The following RIMKLA variants were observed in gnomAD, a reference collection of about 807,000 sequenced individuals.
RIMKLA encodes the protein ribosomal modification protein rimK like family member A.
In RIMKLA, 14 loss-of-function variants were observed where a neutral mutation model predicts 32.7. That is an observed-to-expected ratio of 0.43 (90% confidence interval 0.28 to 0.67). The LOEUF (loss-of-function observed/expected upper bound fraction) is 0.67, where lower values mean the gene tolerates loss of function less well. RIMKLA is among the 30% of genes least tolerant of loss of function. The pLI, the probability that RIMKLA is intolerant of heterozygous loss-of-function variation, is 0.18. For synonymous variants in RIMKLA, 176 were observed against 204.1 expected, an observed-to-expected ratio of 0.86 and a Z score of 1.18; for missense variants, 410 against 519.0, an observed-to-expected ratio of 0.79 and a Z score of 2.04.
intron 4 of RIMKLA, among the ~76,000 whole-genome samples, chr1:42,411,871 C>A (rs563357465): frequency 1.3e-5 from 2 of 151,934 alleles, no homozygotes; most frequent in Non-Finnish European, 2.9e-5. Context: ...AGGGTTTCAC[C>A]GTGTTAGCCG....
chr1:42,406,407 A>T (rs1643147787), intron 3 of RIMKLA, among the ~76,000 whole-genome samples: 2 of 152,088 alleles, frequency 1.3e-5, no homozygotes, highest in South Asian at 4.1e-4. Context: ...GCAACCACTG[A>T]CCTATTATTA....
chr1:42,390,317 C>A (rs1642989770), intron 1 of RIMKLA, among the ~76,000 whole-genome samples: 1 of 152,220 alleles, frequency 6.6e-6, no homozygotes, highest in East Asian at 1.9e-4. Flanking sequence ...GGATTACAGG[C>A]GTGAGCCACC....
chr1:42,395,613 C>A (rs994534419), intron 1 of RIMKLA, among the ~76,000 whole-genome samples: 13 of 152,310 alleles, frequency 8.5e-5, no homozygotes, highest in Admixed American at 3.3e-4. Context: ...TGATATCCTG[C>A]ATCAGCTCTT....
At position 42,380,794 on chromosome 1, in the gene RIMKLA, A is replaced by C; in HGVS notation, c.-141A>C. ...GGCGGATTCGCTGGGTCAGGGCTGC[A>C]GAGACGCCTGGCGCACCCGCGGGAG... is the stretch of plus-strand genomic sequence containing the variant. On this transcript the variant is annotated 5_prime_UTR_variant, in exon 1 of 5. Transcript: ENST00000431473. The C allele has an allele frequency of 3.4e-6, 1 of 296,602 alleles. No individual in the cohort carries two copies. Among genetic ancestry groups the C allele is most frequent in the Non-Finnish European group, 5.2e-6 (1 of 191,336 alleles). 18.4% of individuals were successfully genotyped at this position (296,602 alleles called of 1,614,324 possible).
intron 1 of RIMKLA, among the ~76,000 whole-genome samples, chr1:42,395,475 A>C (rs1049861908): frequency 6.6e-6 from 1 of 152,012 alleles, no homozygotes; most frequent in African/African-American, 2.4e-5. Flanking sequence ...CCTCTCCCCA[A>C]GTTAGGGTGA....
At chr1:42,393,637 T>C (rs1023839250) in intron 1 of RIMKLA, among the ~76,000 whole-genome samples, 3 of 151,952 alleles carry the variant, frequency 2.0e-5, no homozygotes. Context: ...TAAAAATAAC[T>C]GTTTTACGAG....
intron 4 of RIMKLA, among the ~76,000 whole-genome samples, chr1:42,413,133 C>CAAATAAATAAAT (rs368162189): frequency 2.0e-5 from 3 of 150,510 alleles, no homozygotes; most frequent in Admixed American, 1.3e-4. Flanking sequence ...GACTCTGTCT[C>CAAATAAATAAAT]AAATAAATAA....
At chr1:42,409,154 A>G (rs1643174840) in intron 3 of RIMKLA, among the ~76,000 whole-genome samples, 1 of 132,128 alleles carries the variant, frequency 7.6e-6, no homozygotes, top group Non-Finnish European at 1.6e-5. Context: ...GTGAGCCAAG[A>G]TCGCGCCACT....
At chr1:42,389,040 G>C (rs922753425) in intron 1 of RIMKLA, among the ~76,000 whole-genome samples, 8 of 152,220 alleles carry the variant, frequency 5.3e-5, no homozygotes, top group African/African-American at 1.9e-4. Context: ...TGAAGACAAA[G>C]TGGTCAGGAT....
rs755204576 is a variant in RIMKLA, at chr1:42,414,505, C to T, written c.707C>T (p.Pro236Leu). The T allele has an allele frequency of 1.2e-5, 20 of 1,613,938 alleles. No homozygotes were observed. Among genetic ancestry groups the T allele is most frequent in the Admixed American group, 1.7e-5 (1 of 59,998 alleles). The change falls in exon 5 of 5, where the codon CCG becomes CTG. Residue 236 changes from proline to leucine, a missense_variant. Physicochemically the swap from Pro to Leu is moderately conservative, Grantham distance 98. Coordinates refer to ENST00000431473, the MANE Select transcript of RIMKLA (RefSeq NM_173642.4). ...ACAGGTGGCGTGGGCGTCAAGTGTC[C>T]GCTGACAGAACAAGGCAAGCAGTTG... The part of the protein sequence containing the change: ...CSLGGVGVKC[P>L]LTEQGKQLAI...
chr1:42,414,456 C>T (rs1339065438), intron 4 of RIMKLA, 28 bp from the exon 5 acceptor site: 22 of 1,608,916 alleles, frequency 1.4e-5, no homozygotes, highest in Middle Eastern at 1.7e-4. Flanking sequence ...TCAGTTGTCA[C>T]CTTTACATCA....
At chr1:42,402,901 AT>A (rs111342265) in intron 2 of RIMKLA, among the ~76,000 whole-genome samples, 11 of 148,766 alleles carry the variant, frequency 7.4e-5, no homozygotes, top group East Asian at 3.9e-4. Flanking sequence ...CTTGGCTAAC[AT>A]TTTTTTTTTA....
chr1:42,418,468 G>C lies in RIMKLA; in HGVS notation c.*3494G>C, dbSNP rs1437487127. Reference sequence around the variant, plus strand: ...CATGGGGACCAGGAGAGGAGGAAAGGGAAAAGGGAAAGGTCTGGAATAGTT... The same window carrying C: ...CATGGGGACCAGGAGAGGAGGAAAGCGAAAAGGGAAAGGTCTGGAATAGTT... On this transcript the variant is annotated 3_prime_UTR_variant, in exon 5 of 5. Transcript: ENST00000431473. The C allele has an allele frequency of 2.0e-5, 3 of 152,164 alleles. No homozygotes were observed. Among genetic ancestry groups the C allele is most frequent in the Non-Finnish European group, 4.4e-5 (3 of 68,040 alleles). 9.4% of individuals were successfully genotyped at this position (152,164 alleles called of 1,614,324 possible).
rs114002117 is a variant in RIMKLA at position 42,386,287 on chromosome 1, C to T, written c.163+5190C>T. 1.9e-3 allele frequency among the ~76,000 whole-genome samples: 289 copies of T among 151,850 alleles called. 1 individual carries two copies. The highest frequency in any genetic ancestry group is 6.6e-3 in the African/African-American group (273 of 41,372). ...GAACACTTCCACCAAATTTGTTGGG[C>T]CTGCTTGGTGGAAGGGAGTACAGCC... On this transcript the variant is annotated intron_variant, in intron 1 of 4. Coordinates refer to ENST00000431473, the MANE Select transcript of RIMKLA (RefSeq NM_173642.4).
chr1:42,421,532 C>T lies in RIMKLA; in HGVS notation c.*6558C>T, dbSNP rs932026427. ...CTGGGCCTATCCGGAGTGGGACTCCCGTAATCTCCTATTTAGAAGGAACAC... is the reference window on the plus strand; with the variant it reads ...CTGGGCCTATCCGGAGTGGGACTCCTGTAATCTCCTATTTAGAAGGAACAC... On this transcript the variant is annotated 3_prime_UTR_variant, in exon 5 of 5. Transcript: ENST00000431473. This position sits in a 1 kb window ranked among gnomAD's most constrained non-coding sequence, Gnocchi z 4.6. 3.9e-5 allele frequency: 6 copies of T among 152,190 alleles called. No individual in the cohort carries two copies. The highest frequency in any genetic ancestry group is 9.7e-5 in the African/African-American group (4 of 41,396). 9.4% of individuals were successfully genotyped at this position (152,190 alleles called of 1,614,324 possible).
Position 42,410,196 on chromosome 1 carries a change from T to C in RIMKLA, c.685+9T>C. The stretch of plus-strand genomic sequence containing the variant: ...GAGCAACTGCTCTCTCGGTAAGGTA[T>C]AAAAGCACAGGGTTTTATTAGGGTA... On this transcript the variant is annotated intron_variant, in intron 4 of 4. Coordinates refer to ENST00000431473, the MANE Select transcript of RIMKLA (RefSeq NM_173642.4). 1 of 1,613,002 alleles carries C rather than the reference T, an allele frequency of 6.2e-7. No homozygotes were observed. Among genetic ancestry groups the C allele is most frequent in the Non-Finnish European group, 8.5e-7 (1 of 1,179,012 alleles).
rs1463854717 is a variant in RIMKLA at position 42,419,761 on chromosome 1, C to T, written c.*4787C>T. On this transcript the variant is annotated 3_prime_UTR_variant, in exon 5 of 5. Coordinates refer to ENST00000431473, the MANE Select transcript of RIMKLA (RefSeq NM_173642.4). ...ATGCAAGCTGGCTCATGGCCCGCAC[C>T]GTCTTTAGACCAGCCAAGACCATTT... 6.6e-6 allele frequency: 1 copy of T among 152,200 alleles called. No homozygotes were observed. The highest frequency in any genetic ancestry group is 1.9e-4 in the East Asian group (1 of 5,196). The allele number at this position is 152,200 out of a possible 1,614,324, so 9.4% of individuals were successfully genotyped here. A position where few individuals can be genotyped will look rare whatever the true frequency, so the allele number is the denominator to read the frequency against.
chr1:42,416,944 T>C lies in RIMKLA; in HGVS notation c.*1970T>C, dbSNP rs1201619692. ...GAACTGTAACCCTAGTAATGTGTCT[T>C]GTACAGTTGAAAAATAATACTTCAC... On this transcript the variant is annotated 3_prime_UTR_variant, in exon 5 of 5. Transcript: ENST00000431473. The C allele has an allele frequency of 6.6e-6, 1 of 152,208 alleles. No individual in the cohort carries two copies. Among genetic ancestry groups the C allele is most frequent in the East Asian group, 1.9e-4 (1 of 5,194 alleles). The allele number at this position is 152,208 out of a possible 1,614,324, so 9.4% of individuals were successfully genotyped here.
chr1:42,385,808 T>TTCCTTCCTTCCTTCC (rs1642934309), intron 1 of RIMKLA, among the ~76,000 whole-genome samples: 2 of 75,890 alleles, frequency 2.6e-5, no homozygotes, highest in Admixed American at 1.3e-4. Context: ...TCTCTCTCTC[T>TTCCTTCCTTCCTTCC]TTCCTTCCTT....
Sources: allele counts gnomAD v4.1 joint callset (sites outside exome capture counted in the v4.1 genomes callset), GRCh38; gene constraint gnomAD v4.1.1; non-coding constraint Gnocchi (gnomAD v3.1); transcripts MANE v1.5; gene names NCBI Gene and HGNC (gene_info 2026-07-23, HGNC 2026-07-21).